The following SMARCD1 variants were observed in gnomAD, a reference collection of about 807,000 sequenced individuals.
The protein encoded by SMARCD1 is SWI/SNF-related matrix-associated actin-dependent regulator of chromatin subfamily D member 1.
In SMARCD1, 16 loss-of-function variants were observed where a neutral mutation model predicts 70.8. The ratio of observed to expected loss-of-function variants is 0.23; its 90% confidence interval spans 0.15 to 0.34. The LOEUF (loss-of-function observed/expected upper bound fraction) is 0.34. Among genes scored for constraint, SMARCD1 ranks in the 10% least tolerant of loss-of-function variants. The pLI, the probability that SMARCD1 is intolerant of heterozygous loss-of-function variation, is 1.00. For missense variants in SMARCD1, 409 were observed against 655.5 expected (o/e 0.62, Z 4.11); for synonymous variants, 249 against 246.0 (o/e 1.01, Z -0.11).
chr12:50,096,767 T>C lies in SMARCD1; in HGVS notation c.1270-83T>C, dbSNP rs1592294422. 7.6e-6 allele frequency: 10 copies of C among 1,319,814 alleles called. No homozygotes were observed. In the East Asian group the frequency reaches 2.3e-4, roughly 31 times the overall value. 81.8% of individuals were successfully genotyped at this position (1,319,814 alleles called of 1,614,324 possible). On this transcript the variant is annotated intron_variant, in intron 10 of 12. Transcript: ENST00000394963. ...CATGGTGACTAGGTTGGAAGTGGCA[T>C]GTGGAGTTGTCAGGCACCACCTGCC...
chr12:50,098,664 A>G (rs777116620), intron 11 of SMARCD1, 50 bp from the exon 12 acceptor site: 58 of 1,458,042 alleles, frequency 4.0e-5, no homozygotes, highest in Non-Finnish European at 5.5e-5. Context: ...GGAAGGAAAC[A>G]AGCCTTTTCT....
chr12:50,086,381 AGG>A, intron 2 of SMARCD1, 33 bp downstream of exon 2: 2 of 662,134 alleles, frequency 3.0e-6, no homozygotes, highest in Non-Finnish European at 5.6e-6. Context: ...GGAGGGAGGG[AGG>A]GAGCCTGGGA....
intron 5 of SMARCD1, chr12:50,088,240 T>C (rs1565738648): frequency 1.4e-5 from 10 of 702,100 alleles, no homozygotes; most frequent in Non-Finnish European, 2.3e-5. Flanking sequence ...CGCTTAGTTA[T>C]GTGCAATGGT....
rs1264073352 is a variant in SMARCD1, at chr12:50,087,477, C to A, written c.646C>A (p.Leu216Met). The A allele has an allele frequency of 6.2e-7, 1 of 1,613,646 alleles. No homozygotes were observed. Among genetic ancestry groups the A allele is most frequent in the Non-Finnish European group, 8.5e-7 (1 of 1,179,880 alleles). Residue 216 changes from leucine (L) to methionine (M), a missense_variant, in exon 5 of 13, where the codon CTG becomes ATG. Leu to Met is a conservative substitution (Grantham distance 15, BLOSUM62 2). This residue lies in a region of SMARCD1 where 269 missense variants were observed against 498.6 expected (regional missense o/e 0.54). Coordinates refer to ENST00000394963, the MANE Select transcript of SMARCD1 (RefSeq NM_003076.5). ...GGAGCTTCGGGTAGAAGGACGGCTC[C>A]TGGAGGATGTGAGTTCAAGGTCCAC... is the stretch of plus-strand genomic sequence containing the variant. ...SWELRVEGRL[L>M]EDSALSKYDA... is the part of the protein sequence containing the mutation.
chr12:50,094,699 T>C lies in SMARCD1; in HGVS notation c.1269+127T>C, dbSNP rs556917786. ...AGTATATGTCAGGTACTGTGCTTGG[T>C]GCTGGTTTGAGCCAGACTCAAATGA... On this transcript the variant is annotated intron_variant, in intron 10 of 12. Transcript: ENST00000394963. The C allele has an allele frequency of 5.6e-6, 5 of 894,992 alleles. No homozygotes were observed. In the South Asian group the frequency reaches 8.7e-5, roughly 16 times the overall value. 55.4% of individuals were successfully genotyped at this position (894,992 alleles called of 1,614,324 possible).
At chr12:50,086,994 C>A in intron 4 of SMARCD1, 116 bp downstream of exon 4, 1 of 1,052,406 alleles carries the variant, frequency 9.5e-7, no homozygotes, top group Non-Finnish European at 1.4e-6. Flanking sequence ...TAAATTGCAT[C>A]TCTCCCTTCC....
intron 2 of SMARCD1, 41 bp from the exon 3 acceptor site, chr12:50,086,580 T>C (rs961309597): frequency 9.4e-6 from 15 of 1,594,682 alleles, no homozygotes; most frequent in Non-Finnish European, 1.3e-5. Context: ...ACGTTCTGAC[T>C]AGTTCTGTCC....
chr12:50,091,874 G>A (rs993131903), intron 9 of SMARCD1, among the ~76,000 whole-genome samples: 3 of 152,148 alleles, frequency 2.0e-5, no homozygotes, highest in Admixed American at 1.3e-4. Flanking sequence ...CACTGCGCCC[G>A]GCTGAAATCA....
intron 11 of SMARCD1, chr12:50,098,485 T>TTA (rs1233019090): frequency 1.8e-6 from 1 of 551,228 alleles, no homozygotes; most frequent in East Asian, 3.1e-5. Context: ...TTTCCCCTCT[T>TTA]TATAAGGGAA....
chr12:50,090,640 A>G, intron 9 of SMARCD1, 50 bp downstream of exon 9: 1 of 1,399,450 alleles, frequency 7.1e-7, no homozygotes, highest in Non-Finnish European at 1.0e-6. Context: ...CCTTGTGCCG[A>G]TTTGCACAAG....
chr12:50,086,452 T>C, intron 2 of SMARCD1, 104 bp downstream of exon 2: 1 of 1,074,308 alleles, frequency 9.3e-7, no homozygotes, highest in South Asian at 1.7e-5. Flanking sequence ...CAGCAGATGG[T>C]GCTACAGAAC....
Position 50,086,162 on chromosome 12 carries a change from G to C in SMARCD1, c.179G>C (p.Arg60Thr). ...CTCTGGGTCCTCTCCCCTCTGTAGA[G>C]ACCAGGTATGTTGCCAGGCAGCCGA... ...RSPMPGAAYPRPGMLPGSRMT... is the reference protein window; with the variant it reads ...RSPMPGAAYPTPGMLPGSRMT... Residue 60 changes from arginine to threonine, a missense_variant and splice_region_variant, in exon 2 of 13, where the codon AGA (arginine) becomes ACA (threonine). Physicochemically the swap from Arg to Thr is moderately conservative, Grantham distance 71 (BLOSUM62 -1). Coordinates refer to ENST00000394963, the MANE Select transcript of SMARCD1 (RefSeq NM_003076.5). 1 of 1,552,728 alleles carries C rather than the reference G, an allele frequency of 6.4e-7. No homozygotes were observed. The highest frequency in any genetic ancestry group is 8.7e-7 in the Non-Finnish European group (1 of 1,146,136).
rs1318273118 is a variant in SMARCD1 at position 50,086,713 on chromosome 12, GA to G, written c.409-42del. On this transcript the variant is annotated intron_variant, in intron 3 of 12. Transcript: ENST00000394963. ...GGAAAGTGTGGTGAGTTTGAGTATA[GA>G]GATGATCATCCTAGATTTCAATTAA... 3 of 1,613,876 alleles carry G rather than the reference GA, an allele frequency of 1.9e-6. No homozygotes were observed. The African/African-American group carries it at 4.0e-5, about 22-fold the overall frequency.
intron 1 of SMARCD1, chr12:50,085,862 C>T (rs572555543): frequency 2.6e-6 from 1 of 390,538 alleles, no homozygotes; most frequent in African/African-American, 2.1e-5. Context: ...GTGTAGCTGA[C>T]AAATTGAGGT....
At chr12:50,091,298 G>A (rs1327353736) in intron 9 of SMARCD1, among the ~76,000 whole-genome samples, 1 of 146,414 alleles carries the variant, frequency 6.8e-6, no homozygotes, top group Non-Finnish European at 1.5e-5. Context: ...TTTTTGGGAT[G>A]GAGTTTCACT....
chr12:50,085,731 C>T (rs1950782372), intron 1 of SMARCD1, 185 bp downstream of exon 1: 2 of 464,452 alleles, frequency 4.3e-6, no homozygotes, highest in Non-Finnish European at 3.5e-6. Context: ...CTCCTAGGGG[C>T]ATTGTTTCCC....
At position 50,100,211 on chromosome 12, in the gene SMARCD1, T is replaced by G. The variant is rs1282188268; in HGVS notation, c.*1211T>G. On this transcript the variant is annotated 3_prime_UTR_variant, in exon 13 of 13. Transcript: ENST00000394963. The stretch of plus-strand genomic sequence containing the variant: ...GTTGTATCACCCCCGAGTTAGCATA[T>G]CCCAGGCTCGCAGACTCAACACAGC... 1 of 152,546 alleles carries G rather than the reference T, an allele frequency of 6.6e-6. No homozygotes were observed. The highest frequency in any genetic ancestry group is 1.5e-5 in the Non-Finnish European group (1 of 68,072). 9.4% of individuals were successfully genotyped at this position (152,546 alleles called of 1,614,324 possible).
chr12:50,090,986 G>A (rs1437872142), intron 9 of SMARCD1, among the ~76,000 whole-genome samples: 1 of 151,638 alleles, frequency 6.6e-6, no homozygotes, highest in Non-Finnish European at 1.5e-5. Context: ...CACCACACCT[G>A]GCTAATTTTT....
intron 11 of SMARCD1, among the ~76,000 whole-genome samples, chr12:50,098,339 C>T (rs954799007): frequency 6.6e-6 from 1 of 152,156 alleles, no homozygotes; most frequent in African/African-American, 2.4e-5. Flanking sequence ...TGCTTCCTTC[C>T]GCGAGCTGGG....
Sources: gnomAD v4.1 joint callset for allele counts (sites outside exome capture counted in the v4.1 genomes callset) on GRCh38, gnomAD v4.1.1 for gene constraint, gnomAD v4.1.1 regional missense constraint, MANE v1.5 for transcripts, NCBI Gene and HGNC (gene_info 2026-07-23, HGNC 2026-07-21) for gene names.